Variants in GRM5 observed in about 807,000 individuals in gnomAD.
GRM5 encodes metabotropic glutamate receptor 5.
A neutral mutation model predicts 83.1 loss-of-function variants in GRM5; 19 were observed. The observed-to-expected ratio is 0.23, with a 90% CI of 0.16 to 0.34. The LOEUF is 0.34. Ranked by LOEUF, GRM5 falls within the 10% of genes least tolerant of loss-of-function variation. The pLI is 1.00. For synonymous variants in GRM5, 675 were observed against 633.6 expected (o/e 1.07, Z -0.98); for missense variants, 1,160 against 1,588.3 (o/e 0.73, Z 4.58).
intron 3 of GRM5, among the ~76,000 whole-genome samples, chr11:88,716,082 C>G (rs1282500665): frequency 6.6e-6 from 1 of 151,834 alleles, no homozygotes; most frequent in Non-Finnish European, 1.5e-5. Context: ...ATGTTTCTGC[C>G]AACAGAGCAT....
intron 2 of GRM5, among the ~76,000 whole-genome samples, chr11:88,907,374 A>C (rs530272858): frequency 7.2e-5 from 11 of 152,238 alleles, no homozygotes; most frequent in Non-Finnish European, 1.0e-4. Flanking sequence ...ACTCTGTCCA[A>C]AACTGCTAGT....
intron 2 of GRM5, among the ~76,000 whole-genome samples, chr11:88,990,743 C>A (rs1939934168): frequency 6.6e-6 from 1 of 151,592 alleles, no homozygotes; most frequent in Non-Finnish European, 1.5e-5. Flanking sequence ...AGCATATAAA[C>A]AGAGCCAAAG....
rs939913300 is a variant in GRM5 at position 88,808,658 on chromosome 11, T to C, written c.911+41248A>G. Among the ~76,000 whole-genome samples the C allele has an allele frequency of 3.9e-5, 6 of 152,082 alleles. No individual in the cohort carries two copies. In the East Asian group the frequency reaches 5.8e-4, roughly 15 times the overall value. ...CACTTCTCAGTGTCATCATGTTATATTGGAATGTAAAATATTATTGCAAGA... is the reference window on the plus strand; with the variant it reads ...CACTTCTCAGTGTCATCATGTTATACTGGAATGTAAAATATTATTGCAAGA... On this transcript the variant is annotated intron_variant, in intron 3 of 9. Coordinates refer to ENST00000305447, the MANE Select transcript of GRM5 (RefSeq NM_001143831.3).
intron 2 of GRM5, among the ~76,000 whole-genome samples, chr11:88,957,637 A>T (rs1938663229): frequency 6.6e-6 from 1 of 152,212 alleles, no homozygotes; most frequent in African/African-American, 2.4e-5. Context: ...GAAAATGGAC[A>T]TATAAATATA....
At chr11:88,748,686 A>T (rs1413635602) in intron 3 of GRM5, among the ~76,000 whole-genome samples, 1 of 152,078 alleles carries the variant, frequency 6.6e-6, no homozygotes, top group East Asian at 1.9e-4. Flanking sequence ...CTACAGGTGA[A>T]TGCAGGCTGG....
At chr11:89,007,263 G>A (rs1421117815) in intron 2 of GRM5, among the ~76,000 whole-genome samples, 1 of 152,106 alleles carries the variant, frequency 6.6e-6, no homozygotes, top group African/African-American at 2.4e-5. Flanking sequence ...CTTCCAACCA[G>A]ACCATGACCC....
chr11:88,901,548 A>G (rs1489902307), intron 2 of GRM5, among the ~76,000 whole-genome samples: 1 of 152,122 alleles, frequency 6.6e-6, no homozygotes, highest in South Asian at 2.1e-4. Context: ...TGTGATGGCA[A>G]CACAGCAGAG....
chr11:88,701,002 A>G (rs1284752091), intron 3 of GRM5, among the ~76,000 whole-genome samples: 1 of 152,116 alleles, frequency 6.6e-6, no homozygotes, highest in Non-Finnish European at 1.5e-5. Flanking sequence ...CATCACTCCA[A>G]GTGTCCCATT....
chr11:88,696,978 T>A (rs1309242305), intron 3 of GRM5, among the ~76,000 whole-genome samples: 1 of 152,230 alleles, frequency 6.6e-6, no homozygotes, highest in Non-Finnish European at 1.5e-5. Context: ...AATTTTTTCT[T>A]TCTAAGCCTA....
intron 8 of GRM5, among the ~76,000 whole-genome samples, chr11:88,532,137 G>A (rs546927947): frequency 4.8e-4 from 73 of 152,238 alleles, no homozygotes; most frequent in African/African-American, 1.7e-3. Context: ...GTAAATTTTA[G>A]TAACTCAATA....
chr11:88,712,252 TTTG>T (rs968503924), intron 3 of GRM5, among the ~76,000 whole-genome samples: 1 of 152,026 alleles, frequency 6.6e-6, no homozygotes, highest in Non-Finnish European at 1.5e-5. Context: ...GTCCATTATT[TTTG>T]TTGAATATTT....
intron 7 of GRM5, among the ~76,000 whole-genome samples, chr11:88,568,973 A>G (rs996983622): frequency 1.3e-5 from 2 of 152,178 alleles, no homozygotes; most frequent in African/African-American, 2.4e-5. Context: ...TTCCTTGATT[A>G]TATAGCAGAA....
chr11:88,625,087 AC>A lies in GRM5; in HGVS notation c.1148-20124del, dbSNP rs199906465. Among the ~76,000 whole-genome samples, 542 of 152,284 alleles carry A rather than the reference AC, an allele frequency of 3.6e-3. 3 individuals are homozygous for A. The highest frequency in any genetic ancestry group is 0.012 in the African/African-American group (511 of 41,542). ...AACATGGTCATTTGGAATGAAATAA[AC>A]CTAAATTTTACATCAAGGGGACCTA... is the stretch of plus-strand genomic sequence containing the variant. On this transcript the variant is annotated intron_variant, in intron 4 of 9. Transcript: ENST00000305447.
At chr11:88,853,698 A>G (rs1944424453) in intron 2 of GRM5, among the ~76,000 whole-genome samples, 1 of 129,368 alleles carries the variant, frequency 7.7e-6, no homozygotes, top group South Asian at 2.4e-4. Context: ...ATGAAAATAT[A>G]CATTTAATAA....
chr11:88,970,798 G>T (rs1376782390), intron 2 of GRM5, among the ~76,000 whole-genome samples: 2 of 152,156 alleles, frequency 1.3e-5, no homozygotes, highest in South Asian at 4.1e-4. Context: ...TAGGCAGTGG[G>T]AAGTGGGCAG....
At chr11:88,649,725 A>G (rs1270897826) in intron 4 of GRM5, among the ~76,000 whole-genome samples, 1 of 151,506 alleles carries the variant, frequency 6.6e-6, no homozygotes, top group African/African-American at 2.4e-5. Context: ...ATCTTTTAAA[A>G]ATAAAAGGTG....
intron 3 of GRM5, among the ~76,000 whole-genome samples, chr11:88,835,675 GAAAA>G (rs1944081482): frequency 6.6e-6 from 1 of 152,072 alleles, no homozygotes; most frequent in African/African-American, 2.4e-5. Context: ...GAGGAAAAAA[GAAAA>G]GAAGCATTTT....
At chr11:88,555,200 G>A (rs930816981) in intron 8 of GRM5, among the ~76,000 whole-genome samples, 2 of 152,098 alleles carry the variant, frequency 1.3e-5, no homozygotes, top group African/African-American at 4.8e-5. Flanking sequence ...CTTAGAATAT[G>A]TAAGTCCATT....
intron 3 of GRM5, among the ~76,000 whole-genome samples, chr11:88,830,976 C>T (rs774230937): frequency 6.6e-6 from 1 of 152,030 alleles, no homozygotes; most frequent in African/African-American, 2.4e-5. Flanking sequence ...ATCATGAGAA[C>T]AGCATGGGAA....
Sources: gnomAD v4.1 joint callset for allele counts (sites outside exome capture counted in the v4.1 genomes callset) on GRCh38, gnomAD v4.1.1 for gene constraint, MANE v1.5 for transcripts, NCBI Gene and HGNC (gene_info 2026-07-23, HGNC 2026-07-21) for gene names.